REPS2: variants seen among roughly 807,000 people sequenced by gnomAD.
REPS2 encodes RALBP1 associated Eps domain containing 2.
A neutral mutation model predicts 53.6 loss-of-function variants in REPS2; 23 were observed. The observed-to-expected ratio is 0.43, with a 90% CI of 0.31 to 0.61. The LOEUF is 0.61. Among genes scored for constraint, REPS2 ranks in the 20% least tolerant of loss-of-function variants. The pLI, the probability that REPS2 is intolerant of heterozygous loss-of-function variation, is 0.11. For missense variants in REPS2, 446 were observed against 534.9 expected (o/e 0.83, Z 1.64); for synonymous variants, 238 against 218.6 (o/e 1.09, Z -0.78).
At chrX:17,173,083 A>T in the REPS2 span, among the ~76,000 whole-genome samples, 1 of 110,854 alleles carries the variant, frequency 9.0e-6, no homozygotes, top group African/African-American at 3.3e-5. Flanking sequence ...TAATACCTCT[A>T]TTAGTTTTCT....
intron 3 of REPS2, among the ~76,000 whole-genome samples, chrX:17,024,595 G>A (rs1171821526): frequency 9.2e-6 from 1 of 108,481 alleles, no homozygotes; most frequent in East Asian, 2.8e-4. Context: ...CTTTGACATG[G>A]TAAGCTCCAA....
At chrX:16,996,533 C>T (rs1020469528) in intron 1 of REPS2, among the ~76,000 whole-genome samples, 3 of 111,796 alleles carry the variant, frequency 2.7e-5, no homozygotes, top group African/African-American at 6.5e-5. Context: ...GTCAGAGAGG[C>T]GAGAGGTGCA....
intron 14 of REPS2, among the ~76,000 whole-genome samples, chrX:17,123,575 A>G (rs750404527): frequency 8.9e-6 from 1 of 112,219 alleles, no homozygotes; most frequent in East Asian, 2.8e-4. Context: ...GTTGTTCCTG[A>G]GCCCCTCTGT....
chrX:17,039,423 G>A (rs938785695), intron 5 of REPS2, among the ~76,000 whole-genome samples: 1 of 111,990 alleles, frequency 8.9e-6, no homozygotes, highest in African/African-American at 3.3e-5. Context: ...TTGTGATGAC[G>A]TGCCAGATGC....
At chrX:16,952,232 T>C (rs1159681479) in intron 1 of REPS2, among the ~76,000 whole-genome samples, 1 of 111,374 alleles carries the variant, frequency 9.0e-6, no homozygotes, top group Non-Finnish European at 1.9e-5. Context: ...CCCCTAGCCC[T>C]GCACCCCTGA....
At chrX:17,006,465 A>G in intron 2 of REPS2, 121 bp downstream of exon 2, 1 of 710,184 alleles carries the variant, frequency 1.4e-6, no homozygotes, top group Non-Finnish European at 2.0e-6. Context: ...TCTTCTGCAA[A>G]ATAAAATAAG....
chrX:17,110,565 G>A (rs929904706), intron 14 of REPS2, among the ~76,000 whole-genome samples: 7 of 106,516 alleles, frequency 6.6e-5, no homozygotes, highest in African/African-American at 1.7e-4. Flanking sequence ...GGTGGCAGGC[G>A]CCTGTAGTCC....
intron 1 of REPS2, among the ~76,000 whole-genome samples, chrX:17,004,572 C>G (rs1045139979): frequency 3.6e-5 from 4 of 110,831 alleles, no homozygotes. Flanking sequence ...GGGCTTAACT[C>G]ACTTATGTGT....
intron 13 of REPS2, among the ~76,000 whole-genome samples, chrX:17,084,166 C>A (rs2062499732): frequency 9.0e-6 from 1 of 110,680 alleles, no homozygotes; most frequent in South Asian, 3.8e-4. Context: ...TTAATAGAAT[C>A]ATATAATATG....
At chrX:17,108,917 ACTT>A (rs1199870479) in intron 14 of REPS2, among the ~76,000 whole-genome samples, 7 of 106,648 alleles carry the variant, frequency 6.6e-5, no homozygotes, top group African/African-American at 2.4e-4. Context: ...AAACAACAGA[ACTT>A]TTTTTTTTTT....
chrX:17,086,545 G>A (rs2062539132), intron 13 of REPS2, among the ~76,000 whole-genome samples: 1 of 112,393 alleles, frequency 8.9e-6, no homozygotes, highest in Non-Finnish European at 1.9e-5. Context: ...TGAATGTGGA[G>A]TTTGGAACAG....
chrX:17,149,192 G>A lies in REPS2; in HGVS notation c.*1711G>A. ...TGCCTTTTTTGTTTTTGTGGGGGAAGGGTTGGGAGTAAGTTTAAACTCTTC... is the reference window on the plus strand; with the variant it reads ...TGCCTTTTTTGTTTTTGTGGGGGAAAGGTTGGGAGTAAGTTTAAACTCTTC... On this transcript the variant is annotated 3_prime_UTR_variant, in exon 18 of 18. Transcript: ENST00000357277. 4.1e-6 allele frequency: 1 copy of A among 242,684 alleles called. No individual in the cohort carries two copies. The highest frequency in any genetic ancestry group is 7.7e-6 in the Non-Finnish European group (1 of 130,435). 20.0% of individuals were successfully genotyped at this position (242,684 alleles called of 1,213,427 possible).
intron 14 of REPS2, among the ~76,000 whole-genome samples, chrX:17,120,463 A>G (rs2063126971): frequency 8.9e-6 from 1 of 111,893 alleles, no homozygotes; most frequent in African/African-American, 3.3e-5. Flanking sequence ...TCATAGGGTT[A>G]TGATGATTAA....
At chrX:17,035,078 A>G (rs988046041) in intron 5 of REPS2, among the ~76,000 whole-genome samples, 3 of 110,871 alleles carry the variant, frequency 2.7e-5, no homozygotes, top group Non-Finnish European at 5.7e-5. Context: ...CTTGGAACCC[A>G]AGAGAAAAGG....
chrX:17,083,267 G>A (rs184343516), intron 13 of REPS2, among the ~76,000 whole-genome samples: 2 of 109,332 alleles, frequency 1.8e-5, no homozygotes, highest in African/African-American at 3.3e-5. Flanking sequence ...TGTATTTTTA[G>A]TAGAGACGGG....
intron 1 of REPS2, among the ~76,000 whole-genome samples, chrX:16,997,007 A>G (rs2061241939): frequency 8.9e-6 from 1 of 112,450 alleles, no homozygotes; most frequent in Non-Finnish European, 1.9e-5. Context: ...AAAAATGTCA[A>G]TAAATGAATT....
chrX:17,050,190 C>CTTTCTTTCTTTCTTTCTTTCT (rs2061973724), intron 6 of REPS2, among the ~76,000 whole-genome samples: 11 of 48,608 alleles, frequency 2.3e-4, no homozygotes, highest in Non-Finnish European at 3.3e-4. Flanking sequence ...TTCTTTCTTT[C>CTTTCTTTCTTTCTTTCTTTCT]TTTCTTTTTT....
At chrX:16,972,195 T>G (rs755816547) in intron 1 of REPS2, among the ~76,000 whole-genome samples, 2 of 112,185 alleles carry the variant, frequency 1.8e-5, no homozygotes, top group African/African-American at 6.5e-5. Context: ...TTTTTATGGA[T>G]TCTTTTAAAA....
chrX:17,098,610 TTGTGTGTGTG>T lies in REPS2; in HGVS notation c.1517-5094_1517-5085del, dbSNP rs369203546. The stretch of plus-strand genomic sequence containing the variant: ...TCTTAGGATTTGTTAAAAAATGGTT[TTGTGTGTGTG>T]TGTGTGTGTGTGTTTTAAAGTGAAC... On this transcript the variant is annotated intron_variant, in intron 13 of 17. Transcript: ENST00000357277. 2.9e-5 allele frequency among the ~76,000 whole-genome samples: 3 copies of T among 103,254 alleles called. No individual in the cohort carries two copies. In the East Asian group the frequency reaches 9.3e-4, roughly 32 times the overall value. 89.7% of individuals were successfully genotyped at this position (103,254 alleles called of 115,157 possible).
Sources: gnomAD v4.1 joint callset for allele counts (sites outside exome capture counted in the v4.1 genomes callset) on GRCh38, gnomAD v4.1.1 for gene constraint, MANE v1.5 for transcripts, NCBI Gene and HGNC (gene_info 2026-07-23, HGNC 2026-07-21) for gene names.